The following DPP6 variants were observed in gnomAD, a reference collection of about 807,000 sequenced individuals.
DPP6 encodes the protein A-type potassium channel modulatory protein DPP6.
Under a neutral mutation model 122.6 loss-of-function variants are expected in DPP6, and 69 were observed. That is an observed-to-expected ratio of 0.56 (90% confidence interval 0.46 to 0.69). The LOEUF (loss-of-function observed/expected upper bound fraction) is 0.69, where lower values mean the gene tolerates loss of function less well. Ranked by LOEUF, DPP6 falls within the 30% of genes least tolerant of loss-of-function variation. The pLI is 0.00. For synonymous variants in DPP6, 418 were observed against 433.1 expected (o/e 0.97, Z 0.43); for missense variants, 928 against 1,116.9 (o/e 0.83, Z 2.41).
intron 1 of DPP6, among the ~76,000 whole-genome samples, chr7:153,989,147 G>A (rs1797008606): frequency 6.7e-6 from 1 of 148,660 alleles, no homozygotes; most frequent in African/African-American, 2.5e-5. Context: ...GTGCAGCACC[G>A]GGTGTGAGTG....
chr7:154,568,490 T>C (rs537019839), intron 5 of DPP6, among the ~76,000 whole-genome samples: 2 of 152,340 alleles, frequency 1.3e-5, no homozygotes, highest in Non-Finnish European at 2.9e-5. Context: ...TTCTCCGGAA[T>C]GTGACAGAGG....
chr7:153,952,999 A>C (rs1422009501), intron 1 of DPP6, among the ~76,000 whole-genome samples: 1 of 152,210 alleles, frequency 6.6e-6, no homozygotes, highest in Non-Finnish European at 1.5e-5. Context: ...TATGTCCTGT[A>C]TTACAATCTT....
intron 1 of DPP6, among the ~76,000 whole-genome samples, chr7:154,321,291 GA>G (rs963207899): frequency 6.7e-6 from 1 of 148,612 alleles, no homozygotes; most frequent in Admixed American, 6.7e-5. Context: ...AAAAAAAAAA[GA>G]AAAAATGCTA....
At chr7:154,579,634 G>A (rs1198494268) in intron 5 of DPP6, among the ~76,000 whole-genome samples, 1 of 152,202 alleles carries the variant, frequency 6.6e-6, no homozygotes, top group Admixed American at 6.5e-5. Context: ...GGTTAGAGTT[G>A]TCATGAGTCA....
intron 5 of DPP6, among the ~76,000 whole-genome samples, chr7:154,617,601 C>T (rs542598930): frequency 3.2e-4 from 48 of 152,222 alleles, no homozygotes; most frequent in African/African-American, 1.1e-3. Flanking sequence ...CATCCCTGCC[C>T]GTTGGTGACT....
At chr7:154,060,012 GGA>G (rs1801448926) in intron 1 of DPP6, among the ~76,000 whole-genome samples, 2 of 151,748 alleles carry the variant, frequency 1.3e-5, no homozygotes, top group South Asian at 2.1e-4. Flanking sequence ...CCGCATCGCG[GGA>G]GGGGAGGCAC....
At chr7:154,855,891 C>T (rs370820878) in intron 17 of DPP6, among the ~76,000 whole-genome samples, 1 of 152,142 alleles carries the variant, frequency 6.6e-6, no homozygotes, top group South Asian at 2.1e-4. Flanking sequence ...TCCATGGACA[C>T]CTTTCTGGTA....
Position 154,893,242 on chromosome 7 carries a change from T to C in DPP6, c.*762T>C, listed in dbSNP as rs1022467160. ...GGAAGTAACTGCTCCCTCCTCAAGGTTGTCTTCAGACGTCTTGGGGACGTT... is the reference window on the plus strand; with the variant it reads ...GGAAGTAACTGCTCCCTCCTCAAGGCTGTCTTCAGACGTCTTGGGGACGTT... On this transcript the variant is annotated 3_prime_UTR_variant, in exon 26 of 26. Coordinates refer to ENST00000377770, the MANE Select transcript of DPP6 (RefSeq NM_130797.4). The C allele has an allele frequency of 1.1e-5, 3 of 272,372 alleles. No homozygotes were observed. The highest frequency in any genetic ancestry group is 2.2e-5 in the Non-Finnish European group (3 of 138,044). 16.9% of individuals were successfully genotyped at this position (272,372 alleles called of 1,614,324 possible). A position where few individuals can be genotyped will look rare whatever the true frequency, so the allele number is the denominator to read the frequency against.
the DPP6 span, among the ~76,000 whole-genome samples, chr7:153,798,473 A>G: frequency 6.6e-6 from 1 of 152,110 alleles, no homozygotes; most frequent in African/African-American, 2.4e-5. Flanking sequence ...GATTCATTCA[A>G]CCTACTTGGG....
At chr7:154,422,515 A>C (rs963390506) in intron 1 of DPP6, among the ~76,000 whole-genome samples, 1 of 152,198 alleles carries the variant, frequency 6.6e-6, no homozygotes, top group African/African-American at 2.4e-5. Context: ...ACCTTCAAAA[A>C]ACACACAATT....
chr7:153,848,388 TCTGCTCTTA>T, the DPP6 span, among the ~76,000 whole-genome samples: 2 of 151,954 alleles, frequency 1.3e-5, no homozygotes, highest in African/African-American at 4.8e-5. Flanking sequence ...TTCCTTGTTA[TCTGCTCTTA>T]GAGAATTCAG....
At chr7:154,274,419 G>A (rs969077050) in intron 1 of DPP6, among the ~76,000 whole-genome samples, 2 of 152,134 alleles carry the variant, frequency 1.3e-5, no homozygotes, top group African/African-American at 4.8e-5. Flanking sequence ...CACTGGAGTT[G>A]ATCTACATAA....
At chr7:154,437,518 T>C (rs191925895) in intron 1 of DPP6, among the ~76,000 whole-genome samples, 1 of 152,296 alleles carries the variant, frequency 6.6e-6, no homozygotes, top group African/African-American at 2.4e-5. Flanking sequence ...TTCTTGAAAA[T>C]CTGTTAAGGT....
intron 1 of DPP6, among the ~76,000 whole-genome samples, chr7:154,216,893 C>G (rs1319022829): frequency 7.5e-6 from 1 of 133,538 alleles, no homozygotes; most frequent in African/African-American, 2.9e-5. Flanking sequence ...TAAATTCAAT[C>G]TGATGTAGAG....
intron 6 of DPP6, among the ~76,000 whole-genome samples, chr7:154,667,989 T>C (rs1838271543): frequency 6.6e-6 from 1 of 151,192 alleles, no homozygotes; most frequent in South Asian, 2.1e-4. Flanking sequence ...GTAGTCCTTG[T>C]TTTTCCTGGT....
chr7:154,295,871 A>G (rs928781299), intron 1 of DPP6, among the ~76,000 whole-genome samples: 1 of 151,084 alleles, frequency 6.6e-6, no homozygotes, highest in Non-Finnish European at 1.5e-5. Flanking sequence ...TACTGTGTCT[A>G]TGTTCCCTCC....
intron 4 of DPP6, among the ~76,000 whole-genome samples, chr7:154,555,602 A>G (rs979062633): frequency 1.3e-5 from 2 of 152,060 alleles, no homozygotes; most frequent in Non-Finnish European, 2.9e-5. Context: ...TGTACCCTAA[A>G]ACTTAAAGTA....
intron 1 of DPP6, among the ~76,000 whole-genome samples, chr7:154,392,455 A>G (rs74352566): frequency 0.01 from 1,533 of 152,276 alleles, 28 homozygotes; most frequent in African/African-American, 0.033. Flanking sequence ...AGGTTATTTC[A>G]TGCAGGTGGA....
chr7:153,764,197 A>C, the DPP6 span, among the ~76,000 whole-genome samples: 1 of 152,144 alleles, frequency 6.6e-6, no homozygotes, highest in Non-Finnish European at 1.5e-5. Flanking sequence ...ATTCAGAGAG[A>C]AACTTTTCCT....
Sources: gnomAD v4.1 joint callset for allele counts (sites outside exome capture counted in the v4.1 genomes callset) on GRCh38, gnomAD v4.1.1 for gene constraint, MANE v1.5 for transcripts, NCBI Gene and HGNC (gene_info 2026-07-23, HGNC 2026-07-21) for gene names.